The following TMEM132D variants were observed in gnomAD, a reference collection of about 807,000 sequenced individuals.
TMEM132D encodes the protein mature OL transmembrane protein.
TMEM132D carries 21 observed loss-of-function variants against 62.3 expected under a neutral mutation model. The ratio of observed to expected loss-of-function variants is 0.34; its 90% CI spans 0.24 to 0.49. The LOEUF is 0.49. TMEM132D is among the 20% of genes least tolerant of loss of function. The probability of loss-of-function intolerance (pLI) is 0.99; values close to 1 mark genes in which losing one functional copy is unlikely to be tolerated. For missense variants in TMEM132D, 1,346 were observed against 1,402.8 expected, an observed-to-expected ratio of 0.96 and a Z score of 0.65; for synonymous variants, 621 against 575.6, an observed-to-expected ratio of 1.08 and a Z score of -1.13.
chr12:129,821,552 GA>G (rs1357728899), intron 1 of TMEM132D, among the ~76,000 whole-genome samples: 5 of 152,196 alleles, frequency 3.3e-5, no homozygotes, highest in Non-Finnish European at 7.3e-5. Context: ...TTCCCACAGG[GA>G]AAGCTGGACT....
At chr12:129,369,976 AGTGGCAG>A (rs1446120378) in intron 3 of TMEM132D, among the ~76,000 whole-genome samples, 1 of 152,186 alleles carries the variant, frequency 6.6e-6, no homozygotes, top group Non-Finnish European at 1.5e-5. Flanking sequence ...AGCGTGGGAC[AGTGGCAG>A]GGGTGGGGGC....
intron 3 of TMEM132D, among the ~76,000 whole-genome samples, chr12:129,369,413 C>T (rs1870527100): frequency 2.0e-5 from 3 of 151,992 alleles, no homozygotes; most frequent in Admixed American, 6.6e-5. Context: ...GCTGTATTCA[C>T]AGTCGGACAC....
chr12:129,161,604 G>A (rs1184807839), intron 5 of TMEM132D, among the ~76,000 whole-genome samples: 1 of 152,106 alleles, frequency 6.6e-6, no homozygotes. Flanking sequence ...CTCTATTACG[G>A]CTTTTGCCTG....
chr12:129,255,615 A>C (rs922001788), intron 4 of TMEM132D, among the ~76,000 whole-genome samples: 5 of 152,198 alleles, frequency 3.3e-5, no homozygotes, highest in African/African-American at 1.2e-4. Flanking sequence ...TATTTTGTTT[A>C]TCTGTGTTTA....
chr12:129,260,475 C>T (rs1880522712), intron 4 of TMEM132D, among the ~76,000 whole-genome samples: 1 of 152,144 alleles, frequency 6.6e-6, no homozygotes, highest in Non-Finnish European at 1.5e-5. Flanking sequence ...AGGAAAATGG[C>T]TGTAGCTCAA....
intron 2 of TMEM132D, among the ~76,000 whole-genome samples, chr12:129,550,813 T>C (rs886988297): frequency 3.3e-5 from 5 of 152,186 alleles, no homozygotes; most frequent in African/African-American, 1.2e-4. Context: ...TTTCCAGAGA[T>C]GACCACAACA....
At chr12:129,901,873 C>T (rs118014673) in intron 1 of TMEM132D, among the ~76,000 whole-genome samples, 2 of 100,278 alleles carry the variant, frequency 2.0e-5, no homozygotes, top group South Asian at 3.5e-4. Context: ...CCCCCCCGCC[C>T]CAAAAAAAAA....
chr12:129,228,690 G>A (rs1421973556), intron 4 of TMEM132D, among the ~76,000 whole-genome samples: 1 of 152,146 alleles, frequency 6.6e-6, no homozygotes, highest in East Asian at 1.9e-4. Flanking sequence ...GCACGGGTCA[G>A]TGTTTCGTTC....
chr12:129,115,836 C>T (rs150657821), intron 5 of TMEM132D, among the ~76,000 whole-genome samples: 49 of 152,308 alleles, frequency 3.2e-4, no homozygotes, highest in Admixed American at 1.6e-3. Flanking sequence ...CAGAGGTCAA[C>T]GCAGGGAGCT....
intron 5 of TMEM132D, among the ~76,000 whole-genome samples, chr12:129,149,353 C>T (rs1338832348): frequency 7.9e-5 from 12 of 152,068 alleles, no homozygotes; most frequent in Non-Finnish European, 1.5e-4. Context: ...ACGTAAAAAA[C>T]CTGCACGTTC....
chr12:129,227,462 A>G (rs1879512208), intron 4 of TMEM132D, among the ~76,000 whole-genome samples: 1 of 149,688 alleles, frequency 6.7e-6, no homozygotes, highest in African/African-American at 2.4e-5. Context: ...CTCTTCATTA[A>G]TAAGAGAAAG....
chr12:129,339,442 G>A (rs934280767), intron 3 of TMEM132D, among the ~76,000 whole-genome samples: 5 of 152,156 alleles, frequency 3.3e-5, no homozygotes, highest in African/African-American at 1.2e-4. Context: ...AGTAATGAAG[G>A]GGAAAAGACG....
chr12:129,543,186 G>A (rs907293502), intron 2 of TMEM132D, among the ~76,000 whole-genome samples: 15 of 128,098 alleles, frequency 1.2e-4, no homozygotes, highest in Admixed American at 2.4e-4. Flanking sequence ...TGGGTGGATG[G>A]ATGGATGAGT....
At chr12:129,673,752 T>C (rs1377456655) in intron 2 of TMEM132D, among the ~76,000 whole-genome samples, 1 of 152,178 alleles carries the variant, frequency 6.6e-6, no homozygotes, top group African/African-American at 2.4e-5. Flanking sequence ...GTCCTGCTTC[T>C]CCTGGAAAAA....
At chr12:129,824,066 C>G (rs1425637022) in intron 1 of TMEM132D, among the ~76,000 whole-genome samples, 1 of 152,148 alleles carries the variant, frequency 6.6e-6, no homozygotes, top group Non-Finnish European at 1.5e-5. Context: ...ACAGGTGAGA[C>G]AGCTGAGGCA....
intron 5 of TMEM132D, among the ~76,000 whole-genome samples, chr12:129,103,925 G>A (rs1022074433): frequency 2.8e-4 from 42 of 152,312 alleles, no homozygotes; most frequent in South Asian, 1.2e-3. Flanking sequence ...TTCCATGCTC[G>A]TGGGTAGGAA....
chr12:129,363,034 T>C (rs1169782191), intron 3 of TMEM132D, among the ~76,000 whole-genome samples: 2 of 152,236 alleles, frequency 1.3e-5, no homozygotes, highest in Non-Finnish European at 2.9e-5. Context: ...TCAGTGCTTC[T>C]TCATACACTC....
At chr12:129,629,096 CG>C (rs1221214520) in intron 2 of TMEM132D, among the ~76,000 whole-genome samples, 2 of 152,110 alleles carry the variant, frequency 1.3e-5, no homozygotes, top group Non-Finnish European at 2.9e-5. Flanking sequence ...TACCCACCTT[CG>C]TGCCACCCTT....
At chr12:129,892,594 T>A (rs1255863826) in intron 1 of TMEM132D, among the ~76,000 whole-genome samples, 1 of 152,092 alleles carries the variant, frequency 6.6e-6, no homozygotes, top group Non-Finnish European at 1.5e-5. Context: ...TGCACTTGCA[T>A]AACTGTAAAA....
Sources: gnomAD v4.1 joint callset for allele counts (sites outside exome capture counted in the v4.1 genomes callset) on GRCh38, gnomAD v4.1.1 for gene constraint, MANE v1.5 for transcripts, NCBI Gene and HGNC (gene_info 2026-07-23, HGNC 2026-07-21) for gene names.